TYW1B: variants seen among roughly 807,000 people sequenced by gnomAD.
TYW1B encodes the protein S-adenosyl-L-methionine-dependent tRNA 4-demethylwyosine synthase TYW1B.
TYW1B carries 73 observed loss-of-function variants against 86.9 expected under a neutral mutation model. The ratio of observed to expected loss-of-function variants is 0.84; its 90% CI spans 0.70 to 1.02. The LOEUF (loss-of-function observed/expected upper bound fraction) is 1.02, where lower values mean the gene tolerates loss of function less well. Among genes scored for constraint, TYW1B ranks in the 50% least tolerant of loss-of-function variants. The pLI is 0.00. For synonymous variants in TYW1B, 248 were observed against 292.8 expected (o/e 0.85, Z 1.56); for missense variants, 637 against 827.4 (o/e 0.77, Z 2.82).
At chr7:72,702,984 ATC>A (rs1251546618) in intron 10 of TYW1B, among the ~76,000 whole-genome samples, 206 of 8,872 alleles carry the variant, frequency 0.023, 1 homozygote, top group African/African-American at 0.087. Flanking sequence ...CTATCTATCT[ATC>A]TATATATATA....
chr7:72,646,312 T>C (rs1409566678), intron 11 of TYW1B, among the ~76,000 whole-genome samples: 1 of 152,152 alleles, frequency 6.6e-6, no homozygotes, highest in African/African-American at 2.4e-5. Flanking sequence ...TCCGCACACC[T>C]TGGCCTCCCA....
intron 7 of TYW1B, among the ~76,000 whole-genome samples, chr7:72,757,205 T>TA (rs1787606145): frequency 6.6e-6 from 1 of 151,824 alleles, no homozygotes; most frequent in South Asian, 2.1e-4. Context: ...CTGTCTCTAC[T>TA]AAAAATACAA....
intron 6 of TYW1B, among the ~76,000 whole-genome samples, chr7:72,783,743 T>TAC (rs1788085536): frequency 1.3e-4 from 20 of 152,180 alleles, no homozygotes; most frequent in Non-Finnish European, 2.6e-4. Context: ...AGTAATTCTA[T>TAC]TTTGGATAAC....
intron 6 of TYW1B, among the ~76,000 whole-genome samples, chr7:72,787,535 T>C (rs1788149763): frequency 6.6e-6 from 1 of 150,488 alleles, no homozygotes; most frequent in African/African-American, 2.4e-5. Context: ...GGCAGGTGGA[T>C]CACAAGGTCA....
chr7:72,735,935 CTATACTCACA>C (rs1787190675), intron 8 of TYW1B, among the ~76,000 whole-genome samples: 1 of 152,046 alleles, frequency 6.6e-6, no homozygotes, highest in Non-Finnish European at 1.5e-5. Context: ...TTGGCTTTTG[CTATACTCACA>C]GAGTTGCACA....
chr7:72,676,747 C>T (rs531358956), intron 11 of TYW1B, among the ~76,000 whole-genome samples: 2 of 152,148 alleles, frequency 1.3e-5, no homozygotes, highest in East Asian at 1.9e-4. Context: ...TTGCTTGAGG[C>T]CAGGAGTTCA....
intron 6 of TYW1B, among the ~76,000 whole-genome samples, chr7:72,784,600 C>T (rs1309442655): frequency 2.0e-5 from 3 of 152,134 alleles, no homozygotes; most frequent in Admixed American, 6.6e-5. Flanking sequence ...CAGGCTCAAG[C>T]GATTCTCCTG....
intron 6 of TYW1B, 103 bp from the exon 7 acceptor site, chr7:72,777,636 C>A (rs1331354477): frequency 8.5e-6 from 12 of 1,411,404 alleles, no homozygotes; most frequent in Non-Finnish European, 1.2e-5. Context: ...CATTATGAGG[C>A]TGGGCATAGT....
chr7:72,772,428 T>C (rs1554469825), intron 7 of TYW1B, among the ~76,000 whole-genome samples: 2 of 152,166 alleles, frequency 1.3e-5, no homozygotes, highest in Non-Finnish European at 2.9e-5. Flanking sequence ...TCATCAGTAA[T>C]CTTTGAAAGA....
intron 12 of TYW1B, among the ~76,000 whole-genome samples, chr7:72,618,608 C>A (rs1156243096): frequency 6.6e-6 from 1 of 152,130 alleles, no homozygotes; most frequent in African/African-American, 2.4e-5. Context: ...ATGAGCTTTG[C>A]CAAACACTCG....
At chr7:72,686,762 T>G (rs1157047591) in intron 11 of TYW1B, among the ~76,000 whole-genome samples, 1 of 152,174 alleles carries the variant, frequency 6.6e-6, no homozygotes, top group African/African-American at 2.4e-5. Context: ...GTGCCACTCT[T>G]GTGGGTGATG....
chr7:72,728,849 G>A lies in TYW1B; in HGVS notation c.1165C>T (p.His389Tyr). Reference sequence around the variant, plus strand: ...TTAAACTGCTTAATCATGTTCTGATGGTTTTCAATGGCTTCCTTCAAGATC... The same window carrying A: ...TTAAACTGCTTAATCATGTTCTGATAGTTTTCAATGGCTTCCTTCAAGATC... The part of the protein sequence containing the change: ...EMILKEAIEN[H>Y]QNMIKQFKGV... The change falls in exon 9 of 14, where the codon CAT becomes TAT. Residue 389 changes from histidine (H) to tyrosine (Y), a missense_variant. Coordinates refer to ENST00000620995, the MANE Select transcript of TYW1B (RefSeq NM_001145440.3). 1 of 1,613,766 alleles carries A rather than the reference G, an allele frequency of 6.2e-7. No individual in the cohort carries two copies. The highest frequency in any genetic ancestry group is 2.2e-5 in the East Asian group (1 of 44,864).
chr7:72,591,103 G>C (rs1554431310), intron 13 of TYW1B, among the ~76,000 whole-genome samples: 1 of 151,836 alleles, frequency 6.6e-6, no homozygotes, highest in Non-Finnish European at 1.5e-5. Flanking sequence ...AGAAGGATTA[G>C]TGAACCTGAA....
intron 9 of TYW1B, among the ~76,000 whole-genome samples, chr7:72,727,831 A>AGG (rs1395590340): frequency 1.6e-4 from 17 of 104,198 alleles, no homozygotes; most frequent in Non-Finnish European, 3.2e-4. Flanking sequence ...AAAAAAAAAA[A>AGG]AAGAAGAAAG....
At chr7:72,605,330 A>T (rs1811767460) in intron 13 of TYW1B, among the ~76,000 whole-genome samples, 1 of 151,630 alleles carries the variant, frequency 6.6e-6, no homozygotes, top group Non-Finnish European at 1.5e-5. Context: ...ATCCCTCTGG[A>T]ATGTTGTGGT....
At position 72,645,712 on chromosome 7, in the gene TYW1B, C is replaced by G. The variant is rs184004015; in HGVS notation, c.1507-16715G>C. Among the ~76,000 whole-genome samples, 302 of 152,138 alleles carry G rather than the reference C, an allele frequency of 2.0e-3. 1 individual carries two copies. The highest frequency in any genetic ancestry group is 3.8e-3 in the Non-Finnish European group (257 of 67,998). On this transcript the variant is annotated intron_variant, in intron 11 of 13. Coordinates refer to ENST00000620995, the MANE Select transcript of TYW1B (RefSeq NM_001145440.3). ...TGTTAGGATTCCACAACGTTCAAAA[C>G]CAGGCAAATCTACCTTACGGTGTTA...
intron 10 of TYW1B, among the ~76,000 whole-genome samples, chr7:72,695,192 C>T (rs1371388699): frequency 2.0e-5 from 3 of 152,270 alleles, no homozygotes; most frequent in East Asian, 1.9e-4. Flanking sequence ...CACACTCTGC[C>T]GACCACATGG....
chr7:72,589,743 G>A (rs1265031521), intron 13 of TYW1B, among the ~76,000 whole-genome samples: 1 of 152,224 alleles, frequency 6.6e-6, no homozygotes, highest in Non-Finnish European at 1.5e-5. Context: ...AGTTGTGGTG[G>A]TGTACACCTG....
intron 11 of TYW1B, among the ~76,000 whole-genome samples, chr7:72,639,759 G>A (rs1441172803): frequency 6.6e-6 from 1 of 151,858 alleles, no homozygotes; most frequent in African/African-American, 2.4e-5. Flanking sequence ...CCAGCTACTC[G>A]GGAGGCTCAG....
Sources: allele counts gnomAD v4.1 joint callset (sites outside exome capture counted in the v4.1 genomes callset), GRCh38; gene constraint gnomAD v4.1.1; transcripts MANE v1.5; gene names NCBI Gene and HGNC (gene_info 2026-07-23, HGNC 2026-07-21).